The following RAB3IP variants were observed in gnomAD, a reference collection of about 807,000 sequenced individuals.
RAB3IP encodes RAB3A interacting protein, also known as rab-3A-interacting protein.
In RAB3IP, 36 loss-of-function variants were observed where a neutral mutation model predicts 59.1. The ratio of observed to expected loss-of-function variants is 0.61; its 90% CI spans 0.47 to 0.80. The LOEUF (loss-of-function observed/expected upper bound fraction) is 0.80, where lower values mean the gene tolerates loss of function less well. RAB3IP is among the 30% of genes least tolerant of loss of function. The pLI, the probability that RAB3IP is intolerant of heterozygous loss-of-function variation, is 0.00. For synonymous variants in RAB3IP, 207 were observed against 191.2 expected, an observed-to-expected ratio of 1.08 and a Z score of -0.68; for missense variants, 511 against 536.0, an observed-to-expected ratio of 0.95 and a Z score of 0.46.
chr12:69,792,241 G>T (rs973499213), intron 4 of RAB3IP, among the ~76,000 whole-genome samples: 1 of 152,072 alleles, frequency 6.6e-6, no homozygotes, highest in Admixed American at 6.6e-5. Flanking sequence ...TGTACAGCAC[G>T]ACTATATCGT....
At chr12:69,778,518 G>A (rs1257854279) in intron 3 of RAB3IP, among the ~76,000 whole-genome samples, 1 of 148,606 alleles carries the variant, frequency 6.7e-6, no homozygotes, top group Non-Finnish European at 1.5e-5. Context: ...CAGTTTTTCT[G>A]TACTGTTTTT....
Position 69,784,708 on chromosome 12 carries a change from A to G in RAB3IP, c.511-12A>G. On this transcript the variant is annotated splice_polypyrimidine_tract_variant and intron_variant, in intron 3 of 10. Transcript: ENST00000247833. ...TATGGAGATCCAAAATAAAATTATC[A>G]ATTTCTCTTAGGAACTGAAGTTAAA... 2 of 1,539,860 alleles carry G rather than the reference A, an allele frequency of 1.3e-6. No homozygotes were observed. The highest frequency in any genetic ancestry group is 1.8e-6 in the Non-Finnish European group (2 of 1,120,366).
intron 3 of RAB3IP, among the ~76,000 whole-genome samples, chr12:69,762,159 G>A (rs1182512824): frequency 6.6e-6 from 1 of 152,150 alleles, no homozygotes; most frequent in Non-Finnish European, 1.5e-5. Context: ...TGTGTGTAGG[G>A]GGACCAATCA....
At chr12:69,749,167 C>T (rs1002971935) in intron 1 of RAB3IP, among the ~76,000 whole-genome samples, 9 of 152,160 alleles carry the variant, frequency 5.9e-5, no homozygotes, top group East Asian at 1.9e-4. Context: ...AGGTAAGTGG[C>T]GGACAAGCGA....
intron 8 of RAB3IP, among the ~76,000 whole-genome samples, chr12:69,810,225 C>T (rs1880199008): frequency 6.6e-6 from 1 of 152,206 alleles, no homozygotes; most frequent in Non-Finnish European, 1.5e-5. Flanking sequence ...TAGTGCTGAA[C>T]CGCAAATGCT....
intron 8 of RAB3IP, among the ~76,000 whole-genome samples, chr12:69,809,828 T>C (rs1161783832): frequency 1.3e-5 from 2 of 152,186 alleles, no homozygotes; most frequent in Admixed American, 1.3e-4. Context: ...TTTTAACTTC[T>C]TTGCCATTGG....
At chr12:69,757,371 G>GA (rs1245554101) in intron 3 of RAB3IP, among the ~76,000 whole-genome samples, 3 of 152,080 alleles carry the variant, frequency 2.0e-5, no homozygotes, top group African/African-American at 4.8e-5. Context: ...ATTGATAACA[G>GA]AAAAAATAGA....
At chr12:69,762,524 G>A (rs549738336) in intron 3 of RAB3IP, among the ~76,000 whole-genome samples, 17 of 152,224 alleles carry the variant, frequency 1.1e-4, no homozygotes, top group African/African-American at 3.6e-4. Context: ...TTGGGAGGCC[G>A]AGGCGGGCAG....
chr12:69,743,867 GTTTA>G (rs994968029), intron 1 of RAB3IP, among the ~76,000 whole-genome samples: 2 of 116,952 alleles, frequency 1.7e-5, no homozygotes, highest in Non-Finnish European at 3.3e-5. Context: ...AAAGACTCTT[GTTTA>G]TTTATTTAGT....
chr12:69,766,512 C>A (rs969599980), intron 3 of RAB3IP, among the ~76,000 whole-genome samples: 1 of 130,732 alleles, frequency 7.6e-6, no homozygotes, highest in Non-Finnish European at 1.6e-5. Context: ...ACTCTGATTT[C>A]TTTTTCTTTT....
At chr12:69,763,105 T>C (rs548100151) in intron 3 of RAB3IP, among the ~76,000 whole-genome samples, 1 of 152,350 alleles carries the variant, frequency 6.6e-6, no homozygotes, top group Non-Finnish European at 1.5e-5. Context: ...CAGTCTTTTT[T>C]ACATTATTAG....
chr12:69,796,638 A>T (rs1877474548), intron 6 of RAB3IP: 2 of 626,990 alleles, frequency 3.2e-6, no homozygotes, highest in Non-Finnish European at 5.8e-6. Context: ...AATAAAAATG[A>T]TGCTGGTAAG....
chr12:69,809,422 AT>A (rs1270061750), intron 8 of RAB3IP, among the ~76,000 whole-genome samples: 1 of 151,922 alleles, frequency 6.6e-6, no homozygotes, highest in African/African-American at 2.4e-5. Flanking sequence ...CATTCTCTGT[AT>A]TTCCTGAATT....
chr12:69,798,740 T>C (rs71454251), intron 6 of RAB3IP, among the ~76,000 whole-genome samples: 1,729 of 152,330 alleles, frequency 0.011, 13 homozygotes, highest in Non-Finnish European at 0.016. Context: ...GCTTTCTACA[T>C]AGGGCTAGCC....
intron 1 of RAB3IP, among the ~76,000 whole-genome samples, chr12:69,741,047 T>G (rs1887282322): frequency 6.6e-6 from 1 of 152,234 alleles, no homozygotes; most frequent in Non-Finnish European, 1.5e-5. Context: ...TAGGTTGAAA[T>G]TGCTAATATT....
chr12:69,800,429 A>G, intron 7 of RAB3IP, 92 bp downstream of exon 7: 1 of 727,016 alleles, frequency 1.4e-6, no homozygotes. Flanking sequence ...TATCTCTTAC[A>G]TAAATAAGTT....
chr12:69,812,988 A>G lies in RAB3IP; in HGVS notation c.1255A>G (p.Thr419Ala). The part of the protein sequence containing the change: ...YRITSVCNFF[T>A]YIRYIQQGLV... ...GATCACTTCTGTATGTAACTTTTTT[A>G]CATACATTCGATACATTCAGCAGGG... The change falls in exon 10 of 11, where the codon ACA becomes GCA. Residue 419 changes from threonine (T) to alanine (A), a missense_variant. Thr to Ala is a moderately conservative substitution (Grantham distance 58). Transcript: ENST00000247833. The G allele has an allele frequency of 6.2e-7, 1 of 1,613,662 alleles. No homozygotes were observed. Among genetic ancestry groups the G allele is most frequent in the South Asian group, 1.1e-5 (1 of 91,058 alleles).
intron 1 of RAB3IP, chr12:69,739,700 T>G: frequency 1.3e-6 from 1 of 769,148 alleles, no homozygotes; most frequent in East Asian, 2.7e-5. Context: ...TCGGGGGAGT[T>G]GAGACGAACT....
chr12:69,762,573 C>T (rs536158953), intron 3 of RAB3IP, among the ~76,000 whole-genome samples: 28 of 151,792 alleles, frequency 1.8e-4, no homozygotes, highest in African/African-American at 5.8e-4. Context: ...CTGGCTAACA[C>T]GGTGAAACCG....
Sources: allele counts gnomAD v4.1 joint callset (sites outside exome capture counted in the v4.1 genomes callset), GRCh38; gene constraint gnomAD v4.1.1; transcripts MANE v1.5; gene names NCBI Gene and HGNC (gene_info 2026-07-23, HGNC 2026-07-21).